The following FBN3 variants were observed in gnomAD, a reference collection of about 807,000 sequenced individuals.
The protein encoded by FBN3 is fibrillin-3.
FBN3 carries 234 observed loss-of-function variants against 330.1 expected under a neutral mutation model. That is an observed-to-expected ratio of 0.71 (90% CI 0.64 to 0.79). The LOEUF is 0.79. Among genes scored for constraint, FBN3 ranks in the 30% least tolerant of loss-of-function variants. The probability of loss-of-function intolerance (pLI) is 0.00; values close to 1 mark genes in which losing one functional copy is unlikely to be tolerated. For synonymous variants in FBN3, 1,458 were observed against 1,517.3 expected, an observed-to-expected ratio of 0.96 and a Z score of 0.91; for missense variants, 3,606 against 3,886.9, an observed-to-expected ratio of 0.93 and a Z score of 1.92.
rs749662476 is a variant in FBN3, at chr19:8,131,553, C to G, written c.1990+1G>C. 4 of 1,603,510 alleles carry G rather than the reference C, an allele frequency of 2.5e-6. No homozygotes were observed. In the South Asian group the frequency reaches 3.3e-5, roughly 13 times the overall value. On this transcript the variant is annotated splice_donor_variant, in intron 15 of 63. Transcript: ENST00000600128. LOFTEE classifies it high-confidence loss of function. This position sits in a 1 kb window ranked among gnomAD's most constrained non-coding sequence, Gnocchi z 4.5. ...TGGGGACCGGGCAGCCGGATGCTCACCGGAGTCTTTGGCAGGACAAAGCTG... is the reference window on the plus strand; with the variant it reads ...TGGGGACCGGGCAGCCGGATGCTCAGCGGAGTCTTTGGCAGGACAAAGCTG...
At chr19:8,124,035 C>T in intron 22 of FBN3, 27 bp from the exon 23 acceptor site, 3 of 1,576,500 alleles carry the variant, frequency 1.9e-6, no homozygotes, top group Non-Finnish European at 2.6e-6. Flanking sequence ...CACTGCGTCC[C>T]CACCCCTGCC....
chr19:8,082,926 C>T (rs968428530), intron 57 of FBN3, among the ~76,000 whole-genome samples: 2 of 151,842 alleles, frequency 1.3e-5, no homozygotes, highest in Admixed American at 1.3e-4. Context: ...GCTCAAGCAG[C>T]CTCCCAAGTA....
chr19:8,094,385 A>C lies in FBN3; in HGVS notation c.5905+61T>G, dbSNP rs2082164106. The stretch of plus-strand genomic sequence containing the variant: ...CAACCCTAGCTGGTATTCCCATTTT[A>C]TGGATGGAGAAAGAGAGGCACTCCC... On this transcript the variant is annotated intron_variant, in intron 47 of 63. Coordinates refer to ENST00000600128, the MANE Select transcript of FBN3 (RefSeq NM_032447.5). 3 of 1,550,426 alleles carry C rather than the reference A, an allele frequency of 1.9e-6. No individual in the cohort carries two copies. The African/African-American group carries it at 4.1e-5, about 21-fold the overall frequency.
intron 7 of FBN3, 31 bp from the exon 8 acceptor site, chr19:8,141,873 G>C (rs773460099): frequency 1.9e-6 from 3 of 1,612,770 alleles, no homozygotes; most frequent in Non-Finnish European, 1.7e-6. Context: ...AGGGGAGTGA[G>C]AGGCCCATCG....
At chr19:8,137,538 C>A (rs1483290271) in intron 10 of FBN3, among the ~76,000 whole-genome samples, 1 of 152,144 alleles carries the variant, frequency 6.6e-6, no homozygotes, top group African/African-American at 2.4e-5. Context: ...AAGAACCCAC[C>A]CCAGGCCTAA....
Position 8,081,417 on chromosome 19 carries a change from C to T in FBN3, c.7277G>A (p.Ser2426Asn), listed in dbSNP as rs374380372. 35 of 1,612,606 alleles carry T rather than the reference C, an allele frequency of 2.2e-5. No individual in the cohort carries two copies. Among genetic ancestry groups the T allele is most frequent in the Non-Finnish European group, 2.7e-5 (32 of 1,179,354 alleles). ...GCCTCGGGGACAGCTGCACAGGAAA[C>T]TGCCCTTCGTGTTTTTGCAGAGGAA... Reference protein sequence around the residue: ...CTFLCKNTKGSFLCSCPRGYL... With the variant: ...CTFLCKNTKGNFLCSCPRGYL... Residue 2426 changes from serine (S) to asparagine (N), a missense_variant, in exon 58 of 64, where the codon AGT becomes AAT. Physicochemically the swap from Ser to Asn is conservative, Grantham distance 46. Coordinates refer to ENST00000600128, the MANE Select transcript of FBN3 (RefSeq NM_032447.5).
chr19:8,077,429 G>A (rs1462996586), intron 59 of FBN3, among the ~76,000 whole-genome samples: 4 of 151,280 alleles, frequency 2.6e-5, no homozygotes, highest in African/African-American at 9.7e-5. Context: ...ACCTGAGCAT[G>A]GGAGTTTGAG....
intron 40 of FBN3, among the ~76,000 whole-genome samples, chr19:8,101,535 T>C (rs2082327943): frequency 6.6e-6 from 1 of 152,324 alleles, no homozygotes; most frequent in East Asian, 1.9e-4. Flanking sequence ...TCCTGACCGA[T>C]GTTCCCATCA....
chr19:8,123,436 C>G (rs376020958), intron 24 of FBN3, 28 bp downstream of exon 24: 62 of 1,608,022 alleles, frequency 3.9e-5, no homozygotes, highest in African/African-American at 9.4e-5. Flanking sequence ...GGATCACGCT[C>G]TCTCCAAGAG....
chr19:8,142,162 C>A, intron 6 of FBN3, 25 bp from the exon 7 acceptor site: 4 of 1,577,262 alleles, frequency 2.5e-6, no homozygotes, highest in Non-Finnish European at 3.4e-6. Flanking sequence ...GATGTGGGTA[C>A]CTGGCTGAGG....
chr19:8,130,644 G>A (rs373145046), intron 16 of FBN3, among the ~76,000 whole-genome samples: 5 of 58,934 alleles, frequency 8.5e-5, no homozygotes, highest in Admixed American at 4.8e-4. Context: ...AAGAAAGAAA[G>A]GAAAGGAAAG....
At chr19:8,116,023 T>C (rs2082697081) in intron 29 of FBN3, among the ~76,000 whole-genome samples, 2 of 152,200 alleles carry the variant, frequency 1.3e-5, no homozygotes, top group Non-Finnish European at 2.9e-5. Context: ...TGGAGCAGAC[T>C]GCATTCCCTA....
rs1429122245 is a variant in FBN3, at chr19:8,149,202, C to T, written c.-18+247G>A. ...CCGGCCGCGACCACGCTTGGCTCCG[C>T]CCTCACCTGTGGGGTCAGGGGCCCC... On this transcript the variant is annotated intron_variant, in intron 1 of 63. Coordinates refer to ENST00000600128, the MANE Select transcript of FBN3 (RefSeq NM_032447.5). The surrounding 1 kb of genome is among the most constrained non-coding windows in gnomAD (Gnocchi z 5.5). Among the ~76,000 whole-genome samples, 1 of 151,884 alleles carries T rather than the reference C, an allele frequency of 6.6e-6. No homozygotes were observed. The highest frequency in any genetic ancestry group is 2.4e-5 in the African/African-American group (1 of 41,398).
intron 57 of FBN3, 137 bp from the exon 58 acceptor site, chr19:8,081,617 A>G: frequency 9.9e-7 from 1 of 1,014,396 alleles, no homozygotes; most frequent in Non-Finnish European, 1.4e-6. Context: ...TCTTTCTGCA[A>G]AAAGCCAGGT....
Position 8,131,483 on chromosome 19 carries a change from C to G in FBN3, c.1990+71G>C, listed in dbSNP as rs555299791. ...CCACTCCATGGCAGCCATGACCCCCCACCAGAAGCGAGAACCGATGGAGGC... is the reference window on the plus strand; with the variant it reads ...CCACTCCATGGCAGCCATGACCCCCGACCAGAAGCGAGAACCGATGGAGGC... On this transcript the variant is annotated intron_variant, in intron 15 of 63. Transcript: ENST00000600128. This position sits in a 1 kb window ranked among gnomAD's most constrained non-coding sequence, Gnocchi z 4.5. 23 of 1,542,862 alleles carry G rather than the reference C, an allele frequency of 1.5e-5. No individual in the cohort carries two copies. The Admixed American group carries it at 1.7e-4, about 11-fold the overall frequency.
intron 47 of FBN3, among the ~76,000 whole-genome samples, chr19:8,092,609 G>T (rs2082119913): frequency 6.7e-6 from 1 of 148,706 alleles, no homozygotes; most frequent in Non-Finnish European, 1.5e-5. Context: ...CCAGCTACCA[G>T]GAGGGTGAGG....
At chr19:8,068,425 G>A (rs2081438391) in intron 63 of FBN3, among the ~76,000 whole-genome samples, 1 of 149,344 alleles carries the variant, frequency 6.7e-6, no homozygotes, top group Admixed American at 6.7e-5. Context: ...GGGTGGGCAC[G>A]GTGGCTCATG....
intron 13 of FBN3, among the ~76,000 whole-genome samples, chr19:8,135,308 C>G (rs2083253136): frequency 6.6e-6 from 1 of 151,244 alleles, no homozygotes; most frequent in Non-Finnish European, 1.5e-5. Context: ...GACTGAGTCT[C>G]TCTCTGTCAC....
intron 19 of FBN3, 34 bp from the exon 20 acceptor site, chr19:8,126,639 G>A (rs2082994346): frequency 6.2e-7 from 1 of 1,601,612 alleles, no homozygotes; most frequent in African/African-American, 1.3e-5. Flanking sequence ...TGTCTCACCT[G>A]CCGGCCCTAC....
Sources: gnomAD v4.1 joint callset for allele counts (sites outside exome capture counted in the v4.1 genomes callset) on GRCh38, gnomAD v4.1.1 for gene constraint, Gnocchi (gnomAD v3.1) non-coding constraint, MANE v1.5 for transcripts, NCBI Gene and HGNC (gene_info 2026-07-23, HGNC 2026-07-21) for gene names.